Variants in SHROOM3 observed in about 807,000 individuals in gnomAD.
The protein encoded by SHROOM3 is protein Shroom3.
Under a neutral mutation model 138.6 loss-of-function variants are expected in SHROOM3, and 47 were observed. The observed-to-expected ratio is 0.34, with a 90% CI of 0.27 to 0.43. The LOEUF (loss-of-function observed/expected upper bound fraction) is 0.43. Ranked by LOEUF, SHROOM3 falls within the 20% of genes least tolerant of loss-of-function variation. SHROOM3 has a pLI of 1.00. For synonymous variants in SHROOM3, 1,062 were observed against 1,063.3 expected, an observed-to-expected ratio of 1.00 and a Z score of 0.02; for missense variants, 2,491 against 2,596.5, an observed-to-expected ratio of 0.96 and a Z score of 0.88.
chr4:76,532,702 A>G (rs988810200), intron 1 of SHROOM3, among the ~76,000 whole-genome samples: 4 of 152,164 alleles, frequency 2.6e-5, no homozygotes, highest in Admixed American at 6.5e-5. Context: ...TCCCAATTTC[A>G]TGGATAGATT....
chr4:76,548,929 A>G lies in SHROOM3; in HGVS notation c.169-6680A>G, dbSNP rs139988304. Among the ~76,000 whole-genome samples, 12 of 152,340 alleles carry G rather than the reference A, an allele frequency of 7.9e-5. No homozygotes were observed. The East Asian group carries it at 2.1e-3, about 27-fold the overall frequency. ...AGTCATTTAACCTGTTGACAGTCGC[A>G]TTCTTGGAATAAGTAAGTTCCATGC... On this transcript the variant is annotated intron_variant, in intron 1 of 10. Transcript: ENST00000296043.
rs572801554 is a variant in SHROOM3, at chr4:76,514,343, C to A, written c.169-41266C>A. Among the ~76,000 whole-genome samples, 3 of 152,236 alleles carry A rather than the reference C, an allele frequency of 2.0e-5. No individual in the cohort carries two copies. In the South Asian group the frequency reaches 6.2e-4, roughly 32 times the overall value. Reference sequence around the variant, plus strand: ...CATAAAAAAGAATGATGTACTGATACATGCTGCAATGTGGAGAAACCTTAA... The same window carrying A: ...CATAAAAAAGAATGATGTACTGATAAATGCTGCAATGTGGAGAAACCTTAA... On this transcript the variant is annotated intron_variant, in intron 1 of 10. Transcript: ENST00000296043.
intron 2 of SHROOM3, among the ~76,000 whole-genome samples, chr4:76,581,673 C>A (rs927806040): frequency 2.6e-5 from 4 of 152,204 alleles, no homozygotes; most frequent in African/African-American, 9.7e-5. Context: ...CTCTTTCAGA[C>A]ATACTTGGAG....
chr4:76,665,121 A>G (rs1303791122), intron 2 of SHROOM3, among the ~76,000 whole-genome samples: 1 of 152,190 alleles, frequency 6.6e-6, no homozygotes, highest in Non-Finnish European at 1.5e-5. Flanking sequence ...CACAGCTGCC[A>G]ATACCATCTA....
intron 2 of SHROOM3, among the ~76,000 whole-genome samples, chr4:76,706,265 C>T (rs1720047614): frequency 6.6e-6 from 1 of 152,014 alleles, no homozygotes; most frequent in South Asian, 2.1e-4. Context: ...CAGGCATGTA[C>T]CACCACGCCC....
At chr4:76,615,117 T>C (rs1231044007) in intron 2 of SHROOM3, among the ~76,000 whole-genome samples, 5 of 152,198 alleles carry the variant, frequency 3.3e-5, no homozygotes, top group African/African-American at 1.2e-4. Context: ...GGACAGAGCA[T>C]GAACACAGGA....
chr4:76,638,786 T>C (rs535254897), intron 2 of SHROOM3: 3 of 152,334 alleles, frequency 2.0e-5, no homozygotes, highest in Admixed American at 6.5e-5. Context: ...AAGAGCAAGA[T>C]AGAAATGAAA....
chr4:76,552,114 G>A (rs1168453143), intron 1 of SHROOM3, among the ~76,000 whole-genome samples: 3 of 150,318 alleles, frequency 2.0e-5, no homozygotes, highest in African/African-American at 4.8e-5. Flanking sequence ...GCCCGCCTCG[G>A]CCCCCCTAAA....
intron 9 of SHROOM3, among the ~76,000 whole-genome samples, chr4:76,766,022 A>G (rs1049997193): frequency 6.6e-6 from 1 of 152,178 alleles, no homozygotes; most frequent in African/African-American, 2.4e-5. Context: ...CTTATGAGCT[A>G]TTTTAATAAA....
At chr4:76,520,686 T>C (rs1021961568) in intron 1 of SHROOM3, among the ~76,000 whole-genome samples, 1 of 152,210 alleles carries the variant, frequency 6.6e-6, no homozygotes, top group Non-Finnish European at 1.5e-5. Context: ...CTTAGAATAA[T>C]GTCCAGAAGT....
chr4:76,669,614 A>T (rs1718817802), intron 2 of SHROOM3, among the ~76,000 whole-genome samples: 1 of 152,214 alleles, frequency 6.6e-6, no homozygotes, highest in Non-Finnish European at 1.5e-5. Context: ...CAAAAAAAAA[A>T]AAAGAATCCT....
intron 5 of SHROOM3, among the ~76,000 whole-genome samples, chr4:76,747,950 G>A (rs1721496524): frequency 6.6e-6 from 1 of 152,058 alleles, no homozygotes. Flanking sequence ...TTGCTGAGCT[G>A]CAATTACATA....
At chr4:76,696,297 C>T (rs1379380680) in intron 2 of SHROOM3, among the ~76,000 whole-genome samples, 1 of 152,080 alleles carries the variant, frequency 6.6e-6, no homozygotes, top group Non-Finnish European at 1.5e-5. Flanking sequence ...TCACCATCGC[C>T]CCCAGCCTCT....
chr4:76,534,837 A>G (rs1339353434), intron 1 of SHROOM3, among the ~76,000 whole-genome samples: 1 of 152,230 alleles, frequency 6.6e-6, no homozygotes, highest in Non-Finnish European at 1.5e-5. Flanking sequence ...AACTGACTTC[A>G]AAAAGGAGAA....
At chr4:76,620,584 G>A (rs1734982828) in intron 2 of SHROOM3, among the ~76,000 whole-genome samples, 1 of 152,212 alleles carries the variant, frequency 6.6e-6, no homozygotes, top group Non-Finnish European at 1.5e-5. Flanking sequence ...CAGCAAGGGA[G>A]TGTGTGGACA....
At chr4:76,708,309 T>G (rs1249698101) in intron 2 of SHROOM3, among the ~76,000 whole-genome samples, 2 of 151,570 alleles carry the variant, frequency 1.3e-5, no homozygotes, top group Non-Finnish European at 2.9e-5. Context: ...GACCTCTGTC[T>G]CTAGGCATCT....
rs6848119 is a variant in SHROOM3 at position 76,446,835 on chromosome 4, G to T, written c.168+10615G>T. Among the ~76,000 whole-genome samples, 901 of 152,244 alleles carry T rather than the reference G, an allele frequency of 5.9e-3. 13 individuals are homozygous for T. Among genetic ancestry groups the T allele is most frequent in the African/African-American group, 0.02 (832 of 41,534 alleles). ...TTACACCAAACTTTATCTCATTTTGGTTGTCCCTTTCTAGCCCTTGCTTAG... is the reference window on the plus strand; with the variant it reads ...TTACACCAAACTTTATCTCATTTTGTTTGTCCCTTTCTAGCCCTTGCTTAG... On this transcript the variant is annotated intron_variant, in intron 1 of 10. Transcript: ENST00000296043.
At chr4:76,759,855 C>T (rs1721938968) in intron 9 of SHROOM3, among the ~76,000 whole-genome samples, 160 bp downstream of exon 9, 1 of 152,226 alleles carries the variant, frequency 6.6e-6, no homozygotes, top group Non-Finnish European at 1.5e-5. Flanking sequence ...TTACATGGCA[C>T]TTTAACTAAT....
intron 2 of SHROOM3, among the ~76,000 whole-genome samples, chr4:76,599,216 G>T (rs147197458): frequency 6.6e-6 from 1 of 152,066 alleles, no homozygotes; most frequent in Non-Finnish European, 1.5e-5. Flanking sequence ...CAATAAAAGC[G>T]TTCTTTATAT....
Sources: allele counts gnomAD v4.1 joint callset (sites outside exome capture counted in the v4.1 genomes callset), GRCh38; gene constraint gnomAD v4.1.1; transcripts MANE v1.5; gene names NCBI Gene and HGNC (gene_info 2026-07-23, HGNC 2026-07-21).